Variants in POLR1G observed in about 807,000 individuals in gnomAD.
The protein encoded by POLR1G is RNA polymerase I subunit G, also known as DNA-directed RNA polymerase I subunit RPA34.
In POLR1G, 9 loss-of-function variants were observed where a neutral mutation model predicts 6.3. The observed-to-expected ratio is 1.44, with a 90% CI of 0.87 to 2.51. POLR1G has a LOEUF of 2.51. Ranked by LOEUF, POLR1G falls within the 30% of genes most tolerant of loss-of-function variation. The pLI is 0.00. For synonymous variants in POLR1G, 248 were observed against 256.5 expected (o/e 0.97, Z 0.32); for missense variants, 617 against 632.5 (o/e 0.98, Z 0.26).
At position 45,406,719 on chromosome 19, in the gene POLR1G, G is replaced by T; in HGVS notation, c.22+1G>T. Reference sequence around the variant, plus strand: ...AGGATGGAGGAGCCCCAGGCCGGCGGTGAGGGTGCGGGTTGACGGGGTGCG... The same window carrying T: ...AGGATGGAGGAGCCCCAGGCCGGCGTTGAGGGTGCGGGTTGACGGGGTGCG... On this transcript the variant is annotated splice_donor_variant, in intron 1 of 2. Transcript: ENST00000309424. LOFTEE classifies it high-confidence loss of function. The surrounding 1 kb of genome is among the most constrained non-coding windows in gnomAD (Gnocchi z 4.2). 2.0e-6 allele frequency: 3 copies of T among 1,531,964 alleles called. No homozygotes were observed. Among genetic ancestry groups the T allele is most frequent in the Non-Finnish European group, 2.6e-6 (3 of 1,141,364 alleles). The allele number at this position is 1,531,964 out of a possible 1,614,324, so 94.9% of individuals were successfully genotyped here. A position where few individuals can be genotyped will look rare whatever the true frequency, so the allele number is the denominator to read the frequency against.
In POLR1G at chr19:45,409,249, GA is replaced by G. The variant is rs869162302; in HGVS notation, c.1284del (p.Glu429ArgfsTer6). ...PTSTKKKKKK[K>X]ERGHTVTEPI... is the part of the protein sequence containing the mutation. ...CATCCACCAAGAAGAAGAAGAAGAA[GA>G]AAGAGAGAGGTCACACAGTGACTGA... On this transcript the variant is annotated frameshift_variant, in exon 3 of 3. Transcript: ENST00000309424. LOFTEE classifies it low-confidence loss of function (END_TRUNC). The G allele has an allele frequency of 1.0e-5, 16 of 1,595,074 alleles. No homozygotes were observed. Among genetic ancestry groups the G allele is most frequent in the Admixed American group, 1.7e-5 (1 of 59,392 alleles).
In POLR1G at chr19:45,408,466, C is replaced by A; in HGVS notation, c.498C>A (p.Ala166=). The change falls in exon 3 of 3, where the codon GCC becomes GCA. Residue 166 remains alanine, a synonymous_variant. Transcript: ENST00000309424. The part of the protein sequence containing the change: ...PPVTGPRSAL[A]PNLLTSGKKK... ...TCACAGGGCCTAGGTCAGCCTTGGC[C>A]CCCAACCTGCTCACCTCAGGGAAGA... 1 of 1,613,900 alleles carries A rather than the reference C, an allele frequency of 6.2e-7. No homozygotes were observed. Among genetic ancestry groups the A allele is most frequent in the Non-Finnish European group, 8.5e-7 (1 of 1,179,936 alleles).
chr19:45,409,048 A>AG lies in POLR1G; in HGVS notation c.1086dup (p.Thr363AspfsTer45), dbSNP rs1568570937. Reference sequence around the variant, plus strand: ...CGGAGATGAAGCCTCTGGAGTCCCCAGGGGGGACCATGGCGCCTCAACAGC... The same window carrying AG: ...CGGAGATGAAGCCTCTGGAGTCCCCAGGGGGGGACCATGGCGCCTCAACAGC... On this transcript the variant is annotated frameshift_variant, in exon 3 of 3. Transcript: ENST00000309424. LOFTEE classifies it low-confidence loss of function (END_TRUNC). 1.9e-6 allele frequency: 3 copies of AG among 1,613,718 alleles called. No homozygotes were observed. Among genetic ancestry groups the AG allele is most frequent in the South Asian group, 1.1e-5 (1 of 91,062 alleles).
rs1272658274 is a variant in POLR1G, at chr19:45,409,291, A to G, written c.1323A>G (p.Leu441=). 1.9e-6 allele frequency: 3 copies of G among 1,614,096 alleles called. No homozygotes were observed. The highest frequency in any genetic ancestry group is 1.3e-5 in the African/African-American group (1 of 75,038). Reference sequence around the variant, plus strand: ...CAGTGACTGAGCCAATTCAGCCACTAGAGCCTGAACTGCCAGGGGAGGGAC... The same window carrying G: ...CAGTGACTGAGCCAATTCAGCCACTGGAGCCTGAACTGCCAGGGGAGGGAC... The part of the protein sequence containing the change: ...GHTVTEPIQP[L]EPELPGEGQP... The change falls in exon 3 of 3, where the codon CTA becomes CTG. Residue 441 remains leucine, a synonymous_variant. Coordinates refer to ENST00000309424, the MANE Select transcript of POLR1G (RefSeq NM_012099.3).
chr19:45,409,895 A>ATTATTTTTT lies in POLR1G; in HGVS notation c.*396_*397insATTTTTTTT, dbSNP rs1555785258. On this transcript the variant is annotated 3_prime_UTR_variant, in exon 3 of 3. Transcript: ENST00000309424. The stretch of plus-strand genomic sequence containing the variant: ...TTTTTAAGTTATTATTATTATTATT[A>ATTATTTTTT]TTTTTTTTTTTTTTGAGATGGAGTC... 5.8e-4 allele frequency: 99 copies of ATTATTTTTT among 171,652 alleles called. No individual in the cohort carries two copies. Among genetic ancestry groups the ATTATTTTTT allele is most frequent in the African/African-American group, 2.5e-3 (93 of 36,482 alleles). 10.6% of individuals were successfully genotyped at this position (171,652 alleles called of 1,614,324 possible). A position where few individuals can be genotyped will look rare whatever the true frequency, so the allele number is the denominator to read the frequency against.
In POLR1G at chr19:45,410,730, G is replaced by C. The variant is rs1364400438; in HGVS notation, c.*1229G>C. 1 of 152,054 alleles carries C rather than the reference G, an allele frequency of 6.6e-6. No homozygotes were observed. The highest frequency in any genetic ancestry group is 2.1e-4 in the South Asian group (1 of 4,826). The allele number at this position is 152,054 out of a possible 1,614,324, so 9.4% of individuals were successfully genotyped here. A position where few individuals can be genotyped will look rare whatever the true frequency, so the allele number is the denominator to read the frequency against. Reference sequence around the variant, plus strand: ...TAGATACACAAATAAATAAGAACATGCAATGTTTGTCTTTCTGTGCCTGGC... The same window carrying C: ...TAGATACACAAATAAATAAGAACATCCAATGTTTGTCTTTCTGTGCCTGGC... On this transcript the variant is annotated 3_prime_UTR_variant, in exon 3 of 3. Coordinates refer to ENST00000309424, the MANE Select transcript of POLR1G (RefSeq NM_012099.3).
intron 2 of POLR1G, chr19:45,407,723 C>G (rs1170969947): frequency 4.1e-6 from 1 of 246,772 alleles, no homozygotes; most frequent in Non-Finnish European, 7.8e-6. Flanking sequence ...TGCCTAGCTA[C>G]TCACTTTAAG....
In POLR1G at chr19:45,408,240, A is replaced by G; in HGVS notation, c.272A>G (p.Glu91Gly). The G allele has an allele frequency of 6.2e-7, 1 of 1,614,074 alleles. No homozygotes were observed. The highest frequency in any genetic ancestry group is 8.5e-7 in the Non-Finnish European group (1 of 1,179,998). Residue 91 changes from glutamate (E) to glycine (G), a missense_variant, in exon 3 of 3, where the codon GAA becomes GGA. Transcript: ENST00000309424. ...CTCAGCAGCTGTCCCCAAGCTGGAG[A>G]AGCGACCCTGCTGGCCCCCTCAACG... ...RVLSSCPQAGEATLLAPSTEA... is the reference protein window; with the variant it reads ...RVLSSCPQAGGATLLAPSTEA...
Position 45,406,720 on chromosome 19 carries a change from T to G in POLR1G, c.22+2T>G, listed in dbSNP as rs752612029. On this transcript the variant is annotated splice_donor_variant, in intron 1 of 2. Transcript: ENST00000309424. LOFTEE classifies it high-confidence loss of function. This position sits in a 1 kb window ranked among gnomAD's most constrained non-coding sequence, Gnocchi z 4.2. ...GGATGGAGGAGCCCCAGGCCGGCGG[T>G]GAGGGTGCGGGTTGACGGGGTGCGG... 1 of 1,528,338 alleles carries G rather than the reference T, an allele frequency of 6.5e-7. No homozygotes were observed. Among genetic ancestry groups the G allele is most frequent in the South Asian group, 1.2e-5 (1 of 81,244 alleles). 94.7% of individuals were successfully genotyped at this position (1,528,338 alleles called of 1,614,324 possible).
chr19:45,409,147 AG>A lies in POLR1G; in HGVS notation c.1180del (p.Asp394MetfsTer41). ...KKKTKKEKQQ[D>X]ATVEPETEVV... ...AGAAGACGAAGAAAGAAAAACAGCAAGATGCCACAGTGGAGCCAGAGACAGA... is the reference window on the plus strand; with the variant it reads ...AGAAGACGAAGAAAGAAAAACAGCAAATGCCACAGTGGAGCCAGAGACAGA... On this transcript the variant is annotated frameshift_variant, in exon 3 of 3. Transcript: ENST00000309424. LOFTEE classifies it low-confidence loss of function (END_TRUNC). 1 of 1,613,138 alleles carries A rather than the reference AG, an allele frequency of 6.2e-7. No individual in the cohort carries two copies. Among genetic ancestry groups the A allele is most frequent in the Non-Finnish European group, 8.5e-7 (1 of 1,179,398 alleles).
chr19:45,406,965 A>G lies in POLR1G; in HGVS notation c.23-129A>G. On this transcript the variant is annotated intron_variant, in intron 1 of 2. Transcript: ENST00000309424. The surrounding 1 kb of genome is among the most constrained non-coding windows in gnomAD (Gnocchi z 4.2). ...GGTCGCCCCTGGGGAACAGGTGGGC[A>G]GAAAGGAGAAACCAGGTTGAGGGGA... The G allele has an allele frequency of 7.7e-7, 1 of 1,303,768 alleles. No homozygotes were observed. The highest frequency in any genetic ancestry group is 1.0e-6 in the Non-Finnish European group (1 of 954,200). 80.8% of individuals were successfully genotyped at this position (1,303,768 alleles called of 1,614,324 possible).
Position 45,408,301 on chromosome 19 carries a change from C to G in POLR1G, c.333C>G (p.Pro111=), listed in dbSNP as rs1326438436. 1.2e-6 allele frequency: 2 copies of G among 1,613,146 alleles called. No homozygotes were observed. The highest frequency in any genetic ancestry group is 2.2e-5 in the South Asian group (2 of 90,990). The change falls in exon 3 of 3, where the codon CCC becomes CCG. Residue 111 remains proline, a synonymous_variant. Transcript: ENST00000309424. The part of the protein sequence containing the change: ...AGGGLTCASA[P]QGTLRILEGP... The stretch of plus-strand genomic sequence containing the variant: ...GTGGACTCACCTGTGCCTCAGCCCC[C>G]CAGGGCACCCTAAGGATCCTTGAGG...
rs1599795507 is a variant in POLR1G at position 45,409,486 on chromosome 19, G to A, written c.1518G>A (p.Gln506=). The A allele has an allele frequency of 6.2e-7, 1 of 1,608,350 alleles. No individual in the cohort carries two copies. Residue 506 remains glutamine, a synonymous_variant, in exon 3 of 3, where the codon CAG becomes CAA. Coordinates refer to ENST00000309424, the MANE Select transcript of POLR1G (RefSeq NM_012099.3). ...TGRDKKRKQQ[Q]QQPV is the part of the protein sequence containing the mutation. ...GGGACAAGAAGCGGAAGCAGCAGCA[G>A]CAGCAGCCTGTGTAGTCTGCCCCCG...
At position 45,409,156 on chromosome 19, in the gene POLR1G, A is replaced by C; in HGVS notation, c.1188A>C (p.Thr396=). ...AGAAAGAAAAACAGCAAGATGCCAC[A>C]GTGGAGCCAGAGACAGAGGTGGTGG... The part of the protein sequence containing the change: ...KTKKEKQQDA[T]VEPETEVVGP... The change falls in exon 3 of 3, where the codon ACA becomes ACC. Residue 396 remains threonine, a synonymous_variant. Transcript: ENST00000309424. The C allele has an allele frequency of 1.2e-6, 2 of 1,613,396 alleles. No individual in the cohort carries two copies. Among genetic ancestry groups the C allele is most frequent in the Non-Finnish European group, 1.7e-6 (2 of 1,179,592 alleles).
chr19:45,408,343 G>A lies in POLR1G; in HGVS notation c.375G>A (p.Leu125=). ...TCCTTGAGGGTCCCCAGCAATCCCT[G>A]TCAGGGAGCCCTCTGCAGCCCATCC... ...LRILEGPQQS[L]SGSPLQPIPA... is the part of the protein sequence containing the mutation. Residue 125 remains leucine (L), a synonymous_variant, in exon 3 of 3, where the codon CTG becomes CTA. Coordinates refer to ENST00000309424, the MANE Select transcript of POLR1G (RefSeq NM_012099.3). 1 of 1,608,348 alleles carries A rather than the reference G, an allele frequency of 6.2e-7. No individual in the cohort carries two copies. Among genetic ancestry groups the A allele is most frequent in the Non-Finnish European group, 8.5e-7 (1 of 1,175,906 alleles).
chr19:45,406,797 A>G lies in POLR1G; in HGVS notation c.22+79A>G. ...GGCGTCCGAGAGGGTTCGGGCGGAA[A>G]AGGAGGCGTACCTGCAAGCAGGACT... On this transcript the variant is annotated intron_variant, in intron 1 of 2. Coordinates refer to ENST00000309424, the MANE Select transcript of POLR1G (RefSeq NM_012099.3). This position sits in a 1 kb window ranked among gnomAD's most constrained non-coding sequence, Gnocchi z 4.2. 1 of 1,344,906 alleles carries G rather than the reference A, an allele frequency of 7.4e-7. No individual in the cohort carries two copies. The highest frequency in any genetic ancestry group is 1.4e-5 in the South Asian group (1 of 71,114). 83.3% of individuals were successfully genotyped at this position (1,344,906 alleles called of 1,614,324 possible). A position where few individuals can be genotyped will look rare whatever the true frequency, so the allele number is the denominator to read the frequency against.
At position 45,406,809 on chromosome 19, in the gene POLR1G, C is replaced by A; in HGVS notation, c.22+91C>A. On this transcript the variant is annotated intron_variant, in intron 1 of 2. Transcript: ENST00000309424. This position sits in a 1 kb window ranked among gnomAD's most constrained non-coding sequence, Gnocchi z 4.2. ...GGTTCGGGCGGAAAAGGAGGCGTAC[C>A]TGCAAGCAGGACTTGCGAAGAGCGT... The A allele has an allele frequency of 7.9e-7, 1 of 1,263,366 alleles. No individual in the cohort carries two copies. Among genetic ancestry groups the A allele is most frequent in the Non-Finnish European group, 1.1e-6 (1 of 932,534 alleles). 78.3% of individuals were successfully genotyped at this position (1,263,366 alleles called of 1,614,324 possible). A position where few individuals can be genotyped will look rare whatever the true frequency, so the allele number is the denominator to read the frequency against.
chr19:45,408,533 G>A lies in POLR1G; in HGVS notation c.565G>A (p.Glu189Lys), dbSNP rs752873305. 2 of 1,614,054 alleles carry A rather than the reference G, an allele frequency of 1.2e-6. No individual in the cohort carries two copies. The highest frequency in any genetic ancestry group is 1.1e-5 in the South Asian group (1 of 91,084). ...GGTGACAGAGGCCCCAGTCACTCAG[G>A]AGGCAGTGAATGGGCACGGGGCCCT... Reference protein sequence around the residue: ...MQVTEAPVTQEAVNGHGALEV... With the variant: ...MQVTEAPVTQKAVNGHGALEV... Residue 189 changes from glutamate (E) to lysine (K), a missense_variant, in exon 3 of 3, where the codon GAG (glutamate) becomes AAG (lysine). Physicochemically the swap from Glu to Lys is moderately conservative, Grantham distance 56. Transcript: ENST00000309424.
rs2336219 is a variant in POLR1G at position 45,409,148 on chromosome 19, G to C, written c.1180G>C (p.Asp394His). Residue 394 changes from aspartate to histidine, a missense_variant, in exon 3 of 3, where the codon GAT (aspartate) becomes CAT (histidine). Coordinates refer to ENST00000309424, the MANE Select transcript of POLR1G (RefSeq NM_012099.3). Reference sequence around the variant, plus strand: ...GAAGACGAAGAAAGAAAAACAGCAAGATGCCACAGTGGAGCCAGAGACAGA... The same window carrying C: ...GAAGACGAAGAAAGAAAAACAGCAACATGCCACAGTGGAGCCAGAGACAGA... The part of the protein sequence containing the change: ...KKKTKKEKQQ[D>H]ATVEPETEVV... 6.8e-6 allele frequency: 11 copies of C among 1,613,776 alleles called. No homozygotes were observed. The East Asian group carries it at 2.5e-4, about 36-fold the overall frequency.
Sources: gnomAD v4.1 joint callset for allele counts on GRCh38, gnomAD v4.1.1 for gene constraint, Gnocchi (gnomAD v3.1) non-coding constraint, MANE v1.5 for transcripts, NCBI Gene and HGNC (gene_info 2026-07-23, HGNC 2026-07-21) for gene names.